Variants in GAS7 observed in about 807,000 individuals in gnomAD.
The protein encoded by GAS7 is growth arrest specific 7, also known as growth arrest-specific protein 7.
A neutral mutation model predicts 71.1 loss-of-function variants in GAS7; 28 were observed. The observed-to-expected ratio is 0.39, with a 90% CI of 0.29 to 0.54. The LOEUF is 0.54. GAS7 is among the 20% of genes least tolerant of loss of function. The pLI is 0.62. For synonymous variants in GAS7, 258 were observed against 245.8 expected, an observed-to-expected ratio of 1.05 and a Z score of -0.46; for missense variants, 436 against 627.8, an observed-to-expected ratio of 0.69 and a Z score of 3.27.
intron 1 of GAS7, among the ~76,000 whole-genome samples, chr17:10,035,048 G>C (rs2152223183): frequency 6.6e-6 from 1 of 152,038 alleles, no homozygotes; most frequent in Middle Eastern, 3.4e-3. Context: ...ACTTCAGCTT[G>C]GGGGCAGCCC....
At chr17:10,042,570 G>A (rs377606320) in intron 1 of GAS7, among the ~76,000 whole-genome samples, 86 of 152,198 alleles carry the variant, frequency 5.7e-4, no homozygotes, top group Admixed American at 1.5e-3. Context: ...CCTAAAATTC[G>A]GAAGCTAAGT....
chr17:10,096,201 A>G (rs2073639508), intron 1 of GAS7, among the ~76,000 whole-genome samples: 1 of 152,122 alleles, frequency 6.6e-6, no homozygotes, highest in Non-Finnish European at 1.5e-5. Context: ...GTTTGCCCCA[A>G]CCAGTCTCTG....
chr17:10,005,297 A>C (rs143709797), intron 2 of GAS7, among the ~76,000 whole-genome samples: 4 of 150,712 alleles, frequency 2.7e-5, no homozygotes, highest in African/African-American at 9.9e-5. Flanking sequence ...GCATACATGT[A>C]TATACACATA....
Position 10,170,184 on chromosome 17 carries a change from A to G in GAS7, c.183+28024T>C, listed in dbSNP as rs372547818. On this transcript the variant is annotated intron_variant, in intron 1 of 13. Coordinates refer to ENST00000432992, the MANE Select transcript of GAS7 (RefSeq NM_201433.2). ...TCCATCCCCCCATCATTCATTCCCA[A>G]GAGAGCAGCAGAGTGATCCTTGTAA... 9.9e-5 allele frequency among the ~76,000 whole-genome samples: 15 copies of G among 151,952 alleles called. 2 individuals carry two copies. Among genetic ancestry groups the G allele is most frequent in the Admixed American group, 6.6e-4 (10 of 15,242 alleles).
chr17:9,925,364 C>T (rs1371571730), intron 11 of GAS7, 112 bp downstream of exon 11: 9 of 1,062,862 alleles, frequency 8.5e-6, no homozygotes, highest in Middle Eastern at 2.1e-4. Context: ...GTAATTTCCT[C>T]GCTGCAGTCT....
chr17:10,054,162 C>CTT (rs34465894), intron 1 of GAS7, among the ~76,000 whole-genome samples: 1 of 147,596 alleles, frequency 6.8e-6, no homozygotes, highest in African/African-American at 2.5e-5. Flanking sequence ...ACTCTTTTAA[C>CTT]TTTTTTTTTT....
At chr17:10,111,687 TA>T (rs1196120484) in intron 1 of GAS7, among the ~76,000 whole-genome samples, 1 of 152,096 alleles carries the variant, frequency 6.6e-6, no homozygotes, top group Non-Finnish European at 1.5e-5. Context: ...CGTCTCTAAA[TA>T]AATAAATAAG....
intron 5 of GAS7, among the ~76,000 whole-genome samples, chr17:9,954,179 GGCTGA>G (rs763736212): frequency 1.4e-4 from 21 of 152,166 alleles, no homozygotes; most frequent in Non-Finnish European, 2.2e-4. Flanking sequence ...TGCTCGGTTT[GGCTGA>G]GCTGTGTCCC....
intron 1 of GAS7, among the ~76,000 whole-genome samples, chr17:10,040,682 A>G (rs2072846630): frequency 6.6e-6 from 1 of 151,976 alleles, no homozygotes; most frequent in Admixed American, 6.6e-5. Flanking sequence ...AGAGGAGGCA[A>G]GAGCATCACA....
At chr17:10,064,918 C>T (rs1349564298) in intron 1 of GAS7, among the ~76,000 whole-genome samples, 1 of 152,190 alleles carries the variant, frequency 6.6e-6, no homozygotes, top group Non-Finnish European at 1.5e-5. Flanking sequence ...GCCTCAAACT[C>T]CTAGGCTCAA....
At chr17:10,059,653 G>C in intron 1 of GAS7, 1 of 978,880 alleles carries the variant, frequency 1.0e-6, no homozygotes, top group Non-Finnish European at 1.2e-6. Flanking sequence ...TCGAGCATCT[G>C]CATCAAAGAT....
intron 2 of GAS7, among the ~76,000 whole-genome samples, chr17:10,010,344 G>A (rs779765515): frequency 2.0e-4 from 30 of 151,982 alleles, no homozygotes; most frequent in Non-Finnish European, 4.0e-4. Flanking sequence ...AGTAGAGACA[G>A]GGTTTCACCG....
intron 1 of GAS7, among the ~76,000 whole-genome samples, chr17:10,089,236 G>A (rs1454607554): frequency 3.3e-5 from 5 of 152,146 alleles, no homozygotes; most frequent in African/African-American, 1.2e-4. Context: ...CCCCCATCCA[G>A]TCACCCAGAG....
In GAS7 at chr17:9,913,114, A is replaced by G. The variant is rs911108765; in HGVS notation, c.*4114T>C. 2 of 232,308 alleles carry G rather than the reference A, an allele frequency of 8.6e-6. No individual in the cohort carries two copies. Among genetic ancestry groups the G allele is most frequent in the Admixed American group, 5.6e-5 (1 of 17,754 alleles). 14.4% of individuals were successfully genotyped at this position (232,308 alleles called of 1,614,324 possible). A position where few individuals can be genotyped will look rare whatever the true frequency, so the allele number is the denominator to read the frequency against. ...ATCTTGGTGATGGTCACAAGACACT[A>G]AATTTGTCAAAATTCACAGAGCTGT... is the stretch of plus-strand genomic sequence containing the variant. On this transcript the variant is annotated 3_prime_UTR_variant, in exon 14 of 14. Coordinates refer to ENST00000432992, the MANE Select transcript of GAS7 (RefSeq NM_201433.2).
chr17:9,946,883 G>T lies in GAS7; in HGVS notation c.615+11C>A. ...GGGTCACGCTGTGGGGGAAACTGAG[G>T]CGCTGCTTACCCAGAAGTAGTCGCA... On this transcript the variant is annotated intron_variant, in intron 6 of 13. Transcript: ENST00000432992. The T allele has an allele frequency of 6.3e-7, 1 of 1,588,236 alleles. No homozygotes were observed. The highest frequency in any genetic ancestry group is 8.6e-7 in the Non-Finnish European group (1 of 1,157,004).
chr17:10,095,636 A>G (rs1439964386), intron 1 of GAS7, among the ~76,000 whole-genome samples: 4 of 151,998 alleles, frequency 2.6e-5, no homozygotes, highest in Admixed American at 6.6e-5. Context: ...CCTGGCCAAC[A>G]TGGTGAAACC....
At chr17:10,012,943 A>C (rs2071833747) in intron 2 of GAS7, among the ~76,000 whole-genome samples, 1 of 151,990 alleles carries the variant, frequency 6.6e-6, no homozygotes. Context: ...TCTACTAAAA[A>C]ATACAAAAAA....
intron 4 of GAS7, among the ~76,000 whole-genome samples, chr17:9,966,734 C>T (rs573047777): frequency 6.6e-6 from 1 of 152,298 alleles, no homozygotes; most frequent in South Asian, 2.1e-4. Flanking sequence ...TGGCCGGCGC[C>T]TGCAGTCCCA....
At chr17:10,118,609 C>G (rs923070012) in intron 1 of GAS7, among the ~76,000 whole-genome samples, 2 of 143,752 alleles carry the variant, frequency 1.4e-5, no homozygotes, top group Admixed American at 1.5e-4. Flanking sequence ...GGGGCTGAGG[C>G]AGGAGAATCA....
Sources: allele counts gnomAD v4.1 joint callset (sites outside exome capture counted in the v4.1 genomes callset), GRCh38; gene constraint gnomAD v4.1.1; transcripts MANE v1.5; gene names NCBI Gene and HGNC (gene_info 2026-07-23, HGNC 2026-07-21).